Variants in PKD1L3 observed in about 807,000 individuals in gnomAD.
PKD1L3 encodes polycystin-1-like protein 3.
A neutral mutation model predicts 184.1 loss-of-function variants in PKD1L3; 239 were observed. The observed-to-expected ratio is 1.30, with a 90% CI of 1.17 to 1.45. The LOEUF is 1.45. Among genes scored for constraint, PKD1L3 ranks in the 40% most tolerant of loss-of-function variants. PKD1L3 has a pLI of 0.00. For missense variants in PKD1L3, 2,660 were observed against 2,067.2 expected, an observed-to-expected ratio of 1.29 and a Z score of -5.56; for synonymous variants, 996 against 778.8, an observed-to-expected ratio of 1.28 and a Z score of -4.64.
intron 21 of PKD1L3, 39 bp downstream of exon 21, chr16:71,949,744 C>A (rs2038755692): frequency 6.6e-7 from 1 of 1,519,912 alleles, no homozygotes; most frequent in Non-Finnish European, 8.9e-7. Context: ...GTTCCCCTAA[C>A]TTCTGCAACT....
intron 9 of PKD1L3, 64 bp from the exon 10 acceptor site, chr16:71,978,447 AAG>A: frequency 1.5e-6 from 2 of 1,376,210 alleles, no homozygotes; most frequent in Middle Eastern, 1.9e-4. Flanking sequence ...CCCCACTAGA[AAG>A]ATATATCATA....
intron 16 of PKD1L3, among the ~76,000 whole-genome samples, chr16:71,956,077 C>T (rs1011067152): frequency 4.0e-5 from 6 of 151,728 alleles, no homozygotes; most frequent in African/African-American, 9.7e-5. Context: ...AGGCTGGTCT[C>T]GAACTCCTGA....
intron 16 of PKD1L3, among the ~76,000 whole-genome samples, chr16:71,962,058 G>A (rs982521296): frequency 1.3e-5 from 2 of 152,082 alleles, no homozygotes; most frequent in African/African-American, 4.8e-5. Flanking sequence ...CCAAGTAGCT[G>A]GGACTACAGT....
intron 14 of PKD1L3, among the ~76,000 whole-genome samples, 177 bp downstream of exon 14, chr16:71,967,729 T>C (rs1341044438): frequency 6.6e-6 from 1 of 152,150 alleles, no homozygotes; most frequent in Non-Finnish European, 1.5e-5. Context: ...CCTCCCAAAG[T>C]ATTGGGATTA....
At chr16:71,976,834 C>T (rs2039943643) in intron 11 of PKD1L3, among the ~76,000 whole-genome samples, 1 of 152,202 alleles carries the variant, frequency 6.6e-6, no homozygotes, top group Non-Finnish European at 1.5e-5. Flanking sequence ...GCTCCGTCTC[C>T]CAGGTTCAGG....
chr16:71,945,266 C>CTATATATATA (rs60469321), intron 22 of PKD1L3, among the ~76,000 whole-genome samples: 23 of 63,930 alleles, frequency 3.6e-4, no homozygotes, highest in Non-Finnish European at 5.1e-4. Flanking sequence ...AATTTCTTAA[C>CTATATATATA]TATATATATA....
chr16:71,960,082 C>G (rs1227178203), intron 16 of PKD1L3, among the ~76,000 whole-genome samples: 1 of 151,772 alleles, frequency 6.6e-6, no homozygotes, highest in Non-Finnish European at 1.5e-5. Context: ...TGATCCATGT[C>G]ACAGCACTCC....
intron 24 of PKD1L3, among the ~76,000 whole-genome samples, chr16:71,942,270 G>A (rs987288414): frequency 6.6e-6 from 1 of 152,054 alleles, no homozygotes; most frequent in Non-Finnish European, 1.5e-5. Flanking sequence ...GAGGCAGAGG[G>A]TACAGAGAGC....
At chr16:71,976,264 C>CATTTTTTTTTTT (rs2039917844) in intron 11 of PKD1L3, among the ~76,000 whole-genome samples, 1 of 81,776 alleles carries the variant, frequency 1.2e-5, no homozygotes, top group African/African-American at 4.8e-5. Context: ...CCCAGCCTGT[C>CATTTTTTTTTTT]TTTTTTTTTT....
chr16:71,959,391 C>T (rs1443504679), intron 16 of PKD1L3, among the ~76,000 whole-genome samples: 3 of 152,006 alleles, frequency 2.0e-5, no homozygotes, highest in African/African-American at 7.3e-5. Context: ...GCCTGGGCAA[C>T]AAGAGCAAAA....
intron 16 of PKD1L3, among the ~76,000 whole-genome samples, chr16:71,959,661 T>G (rs2039194956): frequency 6.6e-6 from 1 of 152,148 alleles, no homozygotes; most frequent in Admixed American, 6.6e-5. Context: ...GAAGAAACGT[T>G]ATTCTTAGAA....
intron 22 of PKD1L3, among the ~76,000 whole-genome samples, chr16:71,945,152 T>G (rs1315688281): frequency 2.6e-5 from 3 of 115,602 alleles, no homozygotes; most frequent in African/African-American, 9.1e-5. Flanking sequence ...GGATCACACT[T>G]TGGGAGCACT....
chr16:71,999,675 G>A lies in PKD1L3; in HGVS notation c.295+9C>T. The A allele has an allele frequency of 6.6e-7, 1 of 1,519,670 alleles. No homozygotes were observed. 94.1% of individuals were successfully genotyped at this position (1,519,670 alleles called of 1,614,324 possible). On this transcript the variant is annotated intron_variant, in intron 1 of 29. Coordinates refer to ENST00000620267, the MANE Select transcript of PKD1L3 (RefSeq NM_181536.2). ...TTTCCTTCATAAACACTGAACCCCA[G>A]GGTCTTACCTGGGTATTTGTTGTCT...
chr16:71,967,015 A>G, intron 15 of PKD1L3, 122 bp downstream of exon 15: 1 of 1,127,514 alleles, frequency 8.9e-7, no homozygotes, highest in Non-Finnish European at 1.2e-6. Flanking sequence ...TGAAACTGAA[A>G]TCTAATAGTC....
intron 2 of PKD1L3, among the ~76,000 whole-genome samples, chr16:71,997,124 T>C (rs939658302): frequency 2.6e-5 from 4 of 151,990 alleles, no homozygotes; most frequent in African/African-American, 9.7e-5. Flanking sequence ...ACCACAGTGG[T>C]TTAATCATTC....
At chr16:71,951,833 C>G in intron 18 of PKD1L3, 89 bp from the exon 19 acceptor site, 2 of 1,212,992 alleles carry the variant, frequency 1.6e-6, no homozygotes, top group Non-Finnish European at 2.3e-6. Context: ...CGTTCCCTTT[C>G]GTCAGAAGGG....
intron 28 of PKD1L3, among the ~76,000 whole-genome samples, chr16:71,932,926 A>C (rs1169532760): frequency 6.6e-6 from 1 of 151,260 alleles, no homozygotes; most frequent in Non-Finnish European, 1.5e-5. Flanking sequence ...GGCTAGGACT[A>C]CAGGTGCATG....
At chr16:71,945,343 T>C (rs1489433787) in intron 22 of PKD1L3, among the ~76,000 whole-genome samples, 4 of 115,778 alleles carry the variant, frequency 3.5e-5, no homozygotes, top group African/African-American at 6.3e-5. Flanking sequence ...CACACACACA[T>C]ATATTTATAT....
At chr16:71,937,226 T>C (rs987631755) in intron 25 of PKD1L3, 66 bp downstream of exon 25, 2 of 1,479,670 alleles carry the variant, frequency 1.4e-6, no homozygotes, top group Non-Finnish European at 1.8e-6. Context: ...TGGGTAATTT[T>C]TGTAGTCTGG....
Sources: allele counts gnomAD v4.1 joint callset (sites outside exome capture counted in the v4.1 genomes callset), GRCh38; gene constraint gnomAD v4.1.1; transcripts MANE v1.5; gene names NCBI Gene and HGNC (gene_info 2026-07-23, HGNC 2026-07-21).